The following DIAPH1 variants were observed in gnomAD, a reference collection of about 807,000 sequenced individuals.
The protein encoded by DIAPH1 is diaphanous related formin 1.
A neutral mutation model predicts 140.7 loss-of-function variants in DIAPH1; 46 were observed. The ratio of observed to expected loss-of-function variants is 0.33; its 90% CI spans 0.26 to 0.42. The LOEUF (loss-of-function observed/expected upper bound fraction) is 0.42, where lower values mean the gene tolerates loss of function less well. Ranked by LOEUF, DIAPH1 falls within the 10% of genes least tolerant of loss-of-function variation. The probability of loss-of-function intolerance (pLI) is 1.00; values close to 1 mark genes in which losing one functional copy is unlikely to be tolerated. For synonymous variants in DIAPH1, 565 were observed against 551.6 expected (o/e 1.02, Z -0.34); for missense variants, 1,310 against 1,558.7 (o/e 0.84, Z 2.69).
At chr5:141,523,964 C>G (rs2099886929) in intron 27 of DIAPH1, among the ~76,000 whole-genome samples, 179 bp downstream of exon 27, 1 of 151,790 alleles carries the variant, frequency 6.6e-6, no homozygotes, top group Non-Finnish European at 1.5e-5. Context: ...CCCTTAAACC[C>G]CAGTTTTCTA....
At chr5:141,596,712 T>C (rs35791104) in intron 1 of DIAPH1, among the ~76,000 whole-genome samples, 27,420 of 152,202 alleles carry the variant, frequency 0.18, 2,753 homozygotes, top group Admixed American at 0.3. Context: ...TATTGGATGG[T>C]GCTGTCCTAC....
At chr5:141,560,471 T>A (rs2099893350) in intron 18 of DIAPH1, among the ~76,000 whole-genome samples, 1 of 152,236 alleles carries the variant, frequency 6.6e-6, no homozygotes. Context: ...TTAATTCTCT[T>A]TTATATCTCT....
chr5:141,566,308 C>T (rs1270689849), intron 18 of DIAPH1, among the ~76,000 whole-genome samples: 1 of 151,992 alleles, frequency 6.6e-6, no homozygotes, highest in Non-Finnish European at 1.5e-5. Flanking sequence ...ATGACCTTTT[C>T]GTATAAAAAT....
intron 27 of DIAPH1, chr5:141,518,666 G>T: frequency 2.2e-6 from 1 of 447,852 alleles, no homozygotes; most frequent in Non-Finnish European, 4.1e-6. Flanking sequence ...GGGACTATAA[G>T]CATGTGCCAC....
intron 23 of DIAPH1, among the ~76,000 whole-genome samples, chr5:141,527,994 CCT>C (rs2099887650): frequency 6.6e-6 from 1 of 152,250 alleles, no homozygotes; most frequent in South Asian, 2.1e-4. Flanking sequence ...TATGAAATCC[CCT>C]GAGATCTTGG....
intron 18 of DIAPH1, among the ~76,000 whole-genome samples, chr5:141,552,622 C>T (rs1403863529): frequency 3.3e-5 from 5 of 152,146 alleles, no homozygotes; most frequent in Non-Finnish European, 7.4e-5. Flanking sequence ...TAAGATAATA[C>T]GTTTGCATTG....
chr5:141,564,415 A>G (rs1471523529), intron 18 of DIAPH1: 1 of 152,258 alleles, frequency 6.6e-6, no homozygotes, highest in African/African-American at 2.4e-5. Context: ...GGCTGAAAGC[A>G]GTAAAGCACA....
chr5:141,527,668 C>T lies in DIAPH1; in HGVS notation c.3178G>A (p.Asp1060Asn), dbSNP rs367619451. 4 of 1,291,658 alleles carry T rather than the reference C, an allele frequency of 3.1e-6. No individual in the cohort carries two copies. Among genetic ancestry groups the T allele is most frequent in the East Asian group, 6.1e-5 (2 of 32,746 alleles). 80.0% of individuals were successfully genotyped at this position (1,291,658 alleles called of 1,614,324 possible). ...TCAGAAATTTGTTTCTTCATCTGATCTAGGTTCTTTTGCAAGTTTTCAGCA... is the reference window on the plus strand; with the variant it reads ...TCAGAAATTTGTTTCTTCATCTGATTTAGGTTCTTTTGCAAGTTTTCAGCA... ...VSAENLQKNL[D>N]QMKKQISDVE... The change falls in exon 24 of 28, where the codon GAT (aspartate) becomes AAT (asparagine). Residue 1060 changes from aspartate to asparagine, a missense_variant. Physicochemically the swap from Asp to Asn is conservative, Grantham distance 23. This residue lies in a region of DIAPH1 where 344 missense variants were observed against 512.2 expected (regional missense o/e 0.67). Coordinates refer to ENST00000389054, the MANE Select transcript of DIAPH1 (RefSeq NM_005219.5).
At chr5:141,525,046 C>T (rs2154594930) in intron 26 of DIAPH1, among the ~76,000 whole-genome samples, 1 of 152,302 alleles carries the variant, frequency 6.6e-6, no homozygotes, top group Admixed American at 6.5e-5. Flanking sequence ...CCACCTTCCC[C>T]CACTGCATCC....
intron 18 of DIAPH1, chr5:141,557,830 A>C (rs1414101456): frequency 6.6e-6 from 1 of 152,256 alleles, no homozygotes; most frequent in Admixed American, 6.5e-5. Flanking sequence ...TGTGTCCCTG[A>C]TGAGCAACTG....
chr5:141,577,151 T>C (rs2099896082), intron 12 of DIAPH1, among the ~76,000 whole-genome samples: 1 of 152,230 alleles, frequency 6.6e-6, no homozygotes, highest in Non-Finnish European at 1.5e-5. Flanking sequence ...TGATGGATAG[T>C]GCTATTGCTA....
chr5:141,583,891 C>CT (rs2099897153), intron 4 of DIAPH1, among the ~76,000 whole-genome samples: 1 of 152,084 alleles, frequency 6.6e-6, no homozygotes, highest in Admixed American at 6.6e-5. Context: ...ATAAATGAGA[C>CT]TTAGAACTGC....
chr5:141,520,875 T>C (rs2099886424), intron 27 of DIAPH1, among the ~76,000 whole-genome samples: 2 of 152,180 alleles, frequency 1.3e-5, no homozygotes, highest in African/African-American at 4.8e-5. Flanking sequence ...ATTAGCCATG[T>C]AGACCTGGGC....
At chr5:141,576,445 G>C in intron 13 of DIAPH1, 151 bp from the exon 14 acceptor site, 1 of 753,698 alleles carries the variant, frequency 1.3e-6, no homozygotes, top group Admixed American at 2.3e-5. Context: ...TTTCAGTTAA[G>C]TTCAACATGT....
At chr5:141,521,456 G>A (rs974280344) in intron 27 of DIAPH1, among the ~76,000 whole-genome samples, 4 of 152,118 alleles carry the variant, frequency 2.6e-5, no homozygotes, top group Admixed American at 6.5e-5. Flanking sequence ...CACACCCTGC[G>A]GATCACAGGA....
chr5:141,568,792 CAG>C (rs1034971446), intron 18 of DIAPH1, among the ~76,000 whole-genome samples: 39 of 152,150 alleles, frequency 2.6e-4, no homozygotes, highest in African/African-American at 8.4e-4. Flanking sequence ...TAACAAATAG[CAG>C]AGTTGTGTTT....
At chr5:141,518,627 A>T (rs1314945143) in intron 27 of DIAPH1, 1 of 314,580 alleles carries the variant, frequency 3.2e-6, no homozygotes, top group East Asian at 5.8e-5. Flanking sequence ...GGCTCAAGTG[A>T]TCCACCCACC....
chr5:141,556,941 C>G (rs901296861), intron 18 of DIAPH1, among the ~76,000 whole-genome samples: 2 of 152,150 alleles, frequency 1.3e-5, no homozygotes, highest in African/African-American at 4.8e-5. Context: ...GTGATCCGCC[C>G]GCCTCGGCCT....
intron 18 of DIAPH1, chr5:141,536,043 T>C: frequency 2.1e-6 from 1 of 468,810 alleles, no homozygotes; most frequent in Non-Finnish European, 4.4e-6. Context: ...CTCACACCTG[T>C]AATCCCAGCA....
Sources: allele counts gnomAD v4.1 joint callset (sites outside exome capture counted in the v4.1 genomes callset), GRCh38; gene constraint gnomAD v4.1.1; regional missense constraint gnomAD v4.1.1; transcripts MANE v1.5; gene names NCBI Gene and HGNC (gene_info 2026-07-23, HGNC 2026-07-21).